Variants in ACAN observed in about 807,000 individuals in gnomAD.
The protein encoded by ACAN is aggrecan.
Under a neutral mutation model 169.1 loss-of-function variants are expected in ACAN, and 47 were observed. The observed-to-expected ratio is 0.28, with a 90% CI of 0.22 to 0.35. The LOEUF is 0.35. Among genes scored for constraint, ACAN ranks in the 10% least tolerant of loss-of-function variants. ACAN has a pLI of 1.00. For synonymous variants in ACAN, 1,115 were observed against 1,112.2 expected (o/e 1.00, Z -0.05); for missense variants, 2,716 against 2,759.9 (o/e 0.98, Z 0.36).
rs1245190878 is a variant in ACAN at position 88,807,788 on chromosome 15, A to G, written c.-8+3979A>G. Among the ~76,000 whole-genome samples, 82 of 40,706 alleles carry G rather than the reference A, an allele frequency of 2.0e-3. No homozygotes were observed. Among genetic ancestry groups the G allele is most frequent in the African/African-American group, 3.6e-3 (45 of 12,366 alleles). 26.7% of individuals were successfully genotyped at this position (40,706 alleles called of 152,430 possible). On this transcript the variant is annotated intron_variant, in intron 1 of 18. Coordinates refer to ENST00000560601, the MANE Select transcript of ACAN (RefSeq NM_001369268.1). The surrounding 1 kb of genome is among the most constrained non-coding windows in gnomAD (Gnocchi z 4.0). ...TGTGTGTGTGTGTGTGTGTGTGTGC[A>G]TGCTGGCAGGGCGGGCCCTGCGGGC...
At chr15:88,826,487 G>C (rs1316750196) in intron 1 of ACAN, among the ~76,000 whole-genome samples, 1 of 151,526 alleles carries the variant, frequency 6.6e-6, no homozygotes, top group East Asian at 1.9e-4. Flanking sequence ...TGGAGACACA[G>C]GGAAAGCCAG....
chr15:88,852,658 AC>A (rs1896957037), intron 11 of ACAN, among the ~76,000 whole-genome samples: 1 of 152,214 alleles, frequency 6.6e-6, no homozygotes, highest in Non-Finnish European at 1.5e-5. Flanking sequence ...AGGTTTCCTC[AC>A]TGCAGACCTT....
intron 1 of ACAN, among the ~76,000 whole-genome samples, chr15:88,834,812 A>G (rs1896460928): frequency 6.6e-6 from 1 of 152,078 alleles, no homozygotes; most frequent in Non-Finnish European, 1.5e-5. Flanking sequence ...GCACCTTAGA[A>G]CCTTCCAAGC....
chr15:88,836,325 T>A (rs768643230), intron 2 of ACAN, 49 bp downstream of exon 2: 1 of 1,496,188 alleles, frequency 6.7e-7, no homozygotes, highest in Admixed American at 1.7e-5. Flanking sequence ...GCATGAGTAG[T>A]GGGTTTGAGT....
At chr15:88,816,789 T>C (rs1488981917) in intron 1 of ACAN, among the ~76,000 whole-genome samples, 1 of 152,224 alleles carries the variant, frequency 6.6e-6, no homozygotes, top group African/African-American at 2.4e-5. Context: ...TAAGCTCCTG[T>C]TTATTTCAAC....
intron 1 of ACAN, among the ~76,000 whole-genome samples, chr15:88,826,506 G>A (rs1896225896): frequency 2.7e-5 from 4 of 150,370 alleles, no homozygotes; most frequent in Admixed American, 1.3e-4. Context: ...AGGACTCAGA[G>A]CCCCAGCAGG....
At chr15:88,812,248 T>A (rs903232976) in intron 1 of ACAN, among the ~76,000 whole-genome samples, 2 of 152,172 alleles carry the variant, frequency 1.3e-5, no homozygotes, top group African/African-American at 2.4e-5. Flanking sequence ...GCAAGACTTA[T>A]GTACACCAGA....
chr15:88,815,656 TAAAAAAAAAAAAA>T (rs58267198), intron 1 of ACAN, among the ~76,000 whole-genome samples: 2 of 54,182 alleles, frequency 3.7e-5, no homozygotes, highest in Admixed American at 4.8e-4. Flanking sequence ...CTGCACTGAT[TAAAAAAAAAAAAA>T]AAAAAAAAAA....
rs71462461 is a variant in ACAN, at chr15:88,807,747, A to AGAGTGTGTGT, written c.-8+3939_-8+3940insAGTGTGTGTG. 1.4e-5 allele frequency among the ~76,000 whole-genome samples: 2 copies of AGAGTGTGTGT among 142,026 alleles called. No individual in the cohort carries two copies. Among genetic ancestry groups the AGAGTGTGTGT allele is most frequent in the Non-Finnish European group, 3.1e-5 (2 of 65,330 alleles). The allele number at this position is 142,026 out of a possible 152,430, so 93.2% of individuals were successfully genotyped here. ...CTCAGAGCCTCCTTATAAGTGGTGG[A>AGAGTGTGTGT]GTGTGTGTGTGTGTGTGTGTGTGTG... On this transcript the variant is annotated intron_variant, in intron 1 of 18. Transcript: ENST00000560601. The surrounding 1 kb of genome is among the most constrained non-coding windows in gnomAD (Gnocchi z 4.0).
chr15:88,808,986 T>G (rs1006851597), intron 1 of ACAN, among the ~76,000 whole-genome samples: 9 of 152,228 alleles, frequency 5.9e-5, no homozygotes, highest in African/African-American at 1.9e-4. Flanking sequence ...TGTATCCCCT[T>G]GGGTAAGTCA....
intron 1 of ACAN, among the ~76,000 whole-genome samples, chr15:88,822,158 G>A (rs866239966): frequency 1.3e-5 from 2 of 152,174 alleles, no homozygotes; most frequent in Non-Finnish European, 2.9e-5. Context: ...TTGATACCTC[G>A]TGCCCCAAGG....
chr15:88,804,716 A>T (rs1267940769), intron 1 of ACAN, among the ~76,000 whole-genome samples: 1 of 152,190 alleles, frequency 6.6e-6, no homozygotes, highest in Non-Finnish European at 1.5e-5. Context: ...GTTGTGAGAC[A>T]GGATCCAACC....
chr15:88,848,124 G>C, intron 9 of ACAN, 86 bp downstream of exon 9: 2 of 1,537,804 alleles, frequency 1.3e-6, no homozygotes, highest in Non-Finnish European at 1.8e-6. Context: ...AAGAGAGGGG[G>C]TTACCACCCA....
chr15:88,855,335 G>A lies in ACAN; in HGVS notation c.2750G>A (p.Gly917Glu). ...GGCTCAGGCCTGCCTGTGGAAAGTG[G>A]ACTACCCTCAGGGGATGAAGAGAGA... ...TVGSGLPVES[G>E]LPSGDEERIE... Residue 917 changes from glycine (G) to glutamate (E), a missense_variant, in exon 12 of 19, where the codon GGA (glycine) becomes GAA (glutamate). Around this residue, in one of 3 missense-constraint regions of ACAN, gnomAD observed 1,283 missense variants for 1,281.5 expected, o/e 1.00. Transcript: ENST00000560601. 6.2e-7 allele frequency: 1 copy of A among 1,612,688 alleles called. No homozygotes were observed. Among genetic ancestry groups the A allele is most frequent in the Non-Finnish European group, 8.5e-7 (1 of 1,179,090 alleles).
chr15:88,838,716 C>G lies in ACAN; in HGVS notation c.124C>G (p.Leu42Val), dbSNP rs1896568910. Residue 42 changes from leucine (L) to valine (V), a missense_variant, in exon 3 of 19, where the codon CTC (leucine) becomes GTC (valine). By Grantham distance (32) the Leu-to-Val change is conservative. Coordinates refer to ENST00000560601, the MANE Select transcript of ACAN (RefSeq NM_001369268.1). This position sits in a 1 kb window ranked among gnomAD's most constrained non-coding sequence, Gnocchi z 5.1. ...CCCCCAACCGTCCCCGCTGAGGGTC[C>G]TCCTGGGGACCTCCCTCACCATCCC... ...SIPQPSPLRVLLGTSLTIPCY... is the reference protein window; with the variant it reads ...SIPQPSPLRVVLGTSLTIPCY... The G allele has an allele frequency of 2.5e-6, 4 of 1,610,108 alleles. No homozygotes were observed. The highest frequency in any genetic ancestry group is 2.5e-6 in the Non-Finnish European group (3 of 1,177,308).
At position 88,849,553 on chromosome 15, in the gene ACAN, C is replaced by T; in HGVS notation, c.1848C>T (p.Ser616=). The T allele has an allele frequency of 6.2e-7, 1 of 1,605,740 alleles. No individual in the cohort carries two copies. Among genetic ancestry groups the T allele is most frequent in the South Asian group, 1.1e-5 (1 of 90,008 alleles). Residue 616 remains serine (S), a synonymous_variant, in exon 10 of 19, where the codon AGC becomes AGT. Coordinates refer to ENST00000560601, the MANE Select transcript of ACAN (RefSeq NM_001369268.1). This position sits in a 1 kb window ranked among gnomAD's most constrained non-coding sequence, Gnocchi z 5.1. ...CGGGCCAGCTCTACGCCGCCTGGAG[C>T]CGCGGCCTGGACAAGTGCTATGCCG... ...ATTGQLYAAW[S]RGLDKCYAGW...
In ACAN at chr15:88,849,226, G is replaced by A. The variant is rs1217005218; in HGVS notation, c.1733-212G>A. Among the ~76,000 whole-genome samples the A allele has an allele frequency of 6.6e-6, 1 of 152,214 alleles. No homozygotes were observed. The highest frequency in any genetic ancestry group is 1.9e-4 in the East Asian group (1 of 5,192). On this transcript the variant is annotated intron_variant, in intron 9 of 18. Coordinates refer to ENST00000560601, the MANE Select transcript of ACAN (RefSeq NM_001369268.1). This position sits in a 1 kb window ranked among gnomAD's most constrained non-coding sequence, Gnocchi z 5.1. Reference sequence around the variant, plus strand: ...TGGCACCGAAAGTCCTATGTACCGGGAAACCCCAGTCCAGTACAAACCAGA... The same window carrying A: ...TGGCACCGAAAGTCCTATGTACCGGAAAACCCCAGTCCAGTACAAACCAGA...
chr15:88,848,819 G>A (rs1329414483), intron 9 of ACAN, among the ~76,000 whole-genome samples: 3 of 152,172 alleles, frequency 2.0e-5, no homozygotes, highest in Non-Finnish European at 4.4e-5. Flanking sequence ...TATAAAATGG[G>A]GCTGATTTAT....
At chr15:88,847,670 C>A (rs901713035) in intron 8 of ACAN, among the ~76,000 whole-genome samples, 2 of 152,218 alleles carry the variant, frequency 1.3e-5, no homozygotes, top group African/African-American at 4.8e-5. Context: ...TCCAGCCTGA[C>A]CCAGTGCCCT....
Sources: allele counts gnomAD v4.1 joint callset (sites outside exome capture counted in the v4.1 genomes callset), GRCh38; gene constraint gnomAD v4.1.1; regional missense constraint gnomAD v4.1.1; non-coding constraint Gnocchi (gnomAD v3.1); transcripts MANE v1.5; gene names NCBI Gene and HGNC (gene_info 2026-07-23, HGNC 2026-07-21).